Variants in JAM3 observed in about 807,000 individuals in gnomAD.
JAM3 encodes junctional adhesion molecule C.
Under a neutral mutation model 39.4 loss-of-function variants are expected in JAM3, and 31 were observed. That is an observed-to-expected ratio of 0.79 (90% CI 0.59 to 1.06). The LOEUF is 1.06. Ranked by LOEUF, JAM3 falls within the 50% of genes least tolerant of loss-of-function variation. JAM3 has a pLI of 0.00. For synonymous variants in JAM3, 182 were observed against 148.7 expected, an observed-to-expected ratio of 1.22 and a Z score of -1.63; for missense variants, 455 against 391.4, an observed-to-expected ratio of 1.16 and a Z score of -1.37.
intron 3 of JAM3, among the ~76,000 whole-genome samples, chr11:134,141,492 C>G (rs568212893): frequency 6.6e-6 from 1 of 152,000 alleles, no homozygotes; most frequent in South Asian, 2.1e-4. Context: ...CCTGGCCAGG[C>G]AGACTGCACT....
Position 134,069,314 on chromosome 11 carries a change from T to C in JAM3, c.76+155T>C, listed in dbSNP as rs1941448400. Among the ~76,000 whole-genome samples, 5 of 152,140 alleles carry C rather than the reference T, an allele frequency of 3.3e-5. No homozygotes were observed. The South Asian group carries it at 1.0e-3, about 32-fold the overall frequency. ...GCCGGAGGGGCGGCGCGCGCCCGCG[T>C]CCCCGCAGCCAGGGCTGGGACTCGG... On this transcript the variant is annotated intron_variant, in intron 1 of 8. Transcript: ENST00000299106.
intron 1 of JAM3, among the ~76,000 whole-genome samples, chr11:134,122,834 A>T (rs1942562529): frequency 6.6e-6 from 1 of 152,236 alleles, no homozygotes; most frequent in Non-Finnish European, 1.5e-5. Flanking sequence ...GCATTCTCTG[A>T]TACTAGACAG....
Position 134,149,683 on chromosome 11 carries a change from T to G in JAM3, c.*502T>G. The G allele has an allele frequency of 2.2e-6, 1 of 456,850 alleles. No homozygotes were observed. 28.3% of individuals were successfully genotyped at this position (456,850 alleles called of 1,614,324 possible). A position where few individuals can be genotyped will look rare whatever the true frequency, so the allele number is the denominator to read the frequency against. On this transcript the variant is annotated 3_prime_UTR_variant, in exon 9 of 9. Coordinates refer to ENST00000299106, the MANE Select transcript of JAM3 (RefSeq NM_032801.5). ...GGCCCACAGACACCACCGCAGTTTCTTCTTAAAGGCTCTGCTGATCGGTGT... is the reference window on the plus strand; with the variant it reads ...GGCCCACAGACACCACCGCAGTTTCGTCTTAAAGGCTCTGCTGATCGGTGT...
intron 1 of JAM3, among the ~76,000 whole-genome samples, chr11:134,100,081 A>G (rs1942047165): frequency 6.6e-6 from 1 of 152,192 alleles, no homozygotes; most frequent in Non-Finnish European, 1.5e-5. Flanking sequence ...GGAGAGTGAC[A>G]TTATATCTTT....
intron 1 of JAM3, among the ~76,000 whole-genome samples, chr11:134,099,915 A>ATT (rs1414446416): frequency 4.0e-5 from 6 of 151,642 alleles, no homozygotes; most frequent in Non-Finnish European, 8.8e-5. Context: ...TGCTTCCTTT[A>ATT]TTTTTCTAAC....
chr11:134,103,147 G>A (rs1942109091), intron 1 of JAM3, among the ~76,000 whole-genome samples: 1 of 152,216 alleles, frequency 6.6e-6, no homozygotes, highest in Non-Finnish European at 1.5e-5. Flanking sequence ...AAGCCCATCA[G>A]ACTAACAGTG....
chr11:134,112,458 C>G (rs755859471), intron 1 of JAM3, among the ~76,000 whole-genome samples: 3 of 152,130 alleles, frequency 2.0e-5, no homozygotes, highest in Admixed American at 6.6e-5. Context: ...GTCACTCTAT[C>G]TAAATGAAAC....
At chr11:134,098,218 A>G (rs1287874027) in intron 1 of JAM3, among the ~76,000 whole-genome samples, 1 of 152,176 alleles carries the variant, frequency 6.6e-6, no homozygotes, top group African/African-American at 2.4e-5. Flanking sequence ...GCTCACCTAT[A>G]TCCAGAAAAC....
chr11:134,115,502 A>G (rs953880814), intron 1 of JAM3, among the ~76,000 whole-genome samples: 7 of 152,066 alleles, frequency 4.6e-5, no homozygotes, highest in Non-Finnish European at 1.0e-4. Context: ...ATTAGCTATA[A>G]CTTATGACCT....
chr11:134,116,883 T>C (rs1338464701), intron 1 of JAM3, among the ~76,000 whole-genome samples: 1 of 152,188 alleles, frequency 6.6e-6, no homozygotes, highest in Non-Finnish European at 1.5e-5. Flanking sequence ...ACTACAGGGT[T>C]AATTCTAGCA....
chr11:134,093,044 C>T (rs1941901774), intron 1 of JAM3, among the ~76,000 whole-genome samples: 1 of 140,380 alleles, frequency 7.1e-6, no homozygotes, highest in Non-Finnish European at 1.5e-5. Flanking sequence ...CCTGAACCCT[C>T]CTTATTCATC....
chr11:134,095,102 A>G (rs761879074), intron 1 of JAM3, among the ~76,000 whole-genome samples: 41 of 152,334 alleles, frequency 2.7e-4, no homozygotes, highest in Non-Finnish European at 6.0e-4. Context: ...TGAATCTTAG[A>G]AAACTGTCAG....
chr11:134,092,364 A>C (rs1331226789), intron 1 of JAM3, among the ~76,000 whole-genome samples: 34 of 87,452 alleles, frequency 3.9e-4, no homozygotes, highest in East Asian at 7.6e-4. Flanking sequence ...TTCCACCTTA[A>C]ACGTCACTTC....
At chr11:134,128,069 T>A (rs1489237333) in intron 1 of JAM3, among the ~76,000 whole-genome samples, 4 of 148,552 alleles carry the variant, frequency 2.7e-5, no homozygotes, top group Non-Finnish European at 3.0e-5. Flanking sequence ...GCTTACAGTT[T>A]AAAAAAAAAA....
chr11:134,133,784 C>A (rs1367748413), intron 1 of JAM3, among the ~76,000 whole-genome samples: 1 of 152,156 alleles, frequency 6.6e-6, no homozygotes, highest in African/African-American at 2.4e-5. Flanking sequence ...TACACACACA[C>A]CTTACCACCA....
intron 3 of JAM3, among the ~76,000 whole-genome samples, chr11:134,140,989 C>T (rs552745035): frequency 4.9e-4 from 75 of 152,042 alleles, no homozygotes; most frequent in African/African-American, 1.7e-3. Flanking sequence ...CCAGCATCAA[C>T]AAGTGCAGTT....
chr11:134,120,622 TCAA>T (rs1354943863), intron 1 of JAM3, among the ~76,000 whole-genome samples: 5 of 152,268 alleles, frequency 3.3e-5, no homozygotes, highest in Admixed American at 1.3e-4. Context: ...TGTTCATGAG[TCAA>T]CAAGTCTGCT....
intron 1 of JAM3, among the ~76,000 whole-genome samples, chr11:134,107,169 C>T (rs1591786094): frequency 6.6e-6 from 1 of 152,184 alleles, no homozygotes; most frequent in South Asian, 2.1e-4. Flanking sequence ...ATGATGAGTT[C>T]ATGTCCTTTG....
At chr11:134,141,845 A>G (rs377039014) in intron 3 of JAM3, among the ~76,000 whole-genome samples, 50 of 152,048 alleles carry the variant, frequency 3.3e-4, no homozygotes, top group African/African-American at 1.1e-3. Flanking sequence ...GGAGGTACAC[A>G]TGCAGGCTCG....
Sources: gnomAD v4.1 joint callset for allele counts (sites outside exome capture counted in the v4.1 genomes callset) on GRCh38, gnomAD v4.1.1 for gene constraint, MANE v1.5 for transcripts, NCBI Gene and HGNC (gene_info 2026-07-23, HGNC 2026-07-21) for gene names.